The following TOMM40 variants were observed in gnomAD, a reference collection of about 807,000 sequenced individuals.
TOMM40 encodes mitochondrial import receptor subunit TOM40 homolog.
Under a neutral mutation model 38.4 loss-of-function variants are expected in TOMM40, and 9 were observed. That is an observed-to-expected ratio of 0.23 (90% CI 0.14 to 0.41). TOMM40 has a LOEUF of 0.41. TOMM40 is among the 10% of genes least tolerant of loss of function. TOMM40 has a pLI of 1.00. For synonymous variants in TOMM40, 184 were observed against 210.0 expected, an observed-to-expected ratio of 0.88 and a Z score of 1.07; for missense variants, 299 against 486.5, an observed-to-expected ratio of 0.61 and a Z score of 3.63.
chr19:44,893,903 C>T, intron 4 of TOMM40, 22 bp downstream of exon 4: 2 of 1,609,772 alleles, frequency 1.2e-6, no homozygotes, highest in Non-Finnish European at 1.7e-6. Flanking sequence ...ACGGAGGCTG[C>T]TGCTCCCCTC....
chr19:44,900,653 G>A (rs945459295), intron 5 of TOMM40, 77 bp from the exon 6 acceptor site: 30 of 1,608,822 alleles, frequency 1.9e-5, no homozygotes, highest in African/African-American at 4.0e-5. Context: ...GCCGGGGTGA[G>A]CCTAGAGGGC....
chr19:44,892,241 G>C, intron 1 of TOMM40, 152 bp from the exon 2 acceptor site: 1 of 780,956 alleles, frequency 1.3e-6, no homozygotes, highest in South Asian at 1.6e-5. Context: ...CCCTGGCCCT[G>C]TCTAACTAGG....
rs575782022 is a variant in TOMM40 at position 44,895,977 on chromosome 19, G to A, written c.643+1911G>A. Reference sequence around the variant, plus strand: ...GACATGACTGGGAAGGCTTGCGTGCGCATGTCGCCCTCTGTCGTCCACCAT... The same window carrying A: ...GACATGACTGGGAAGGCTTGCGTGCACATGTCGCCCTCTGTCGTCCACCAT... On this transcript the variant is annotated intron_variant, in intron 5 of 8. Transcript: ENST00000426677. 5.0e-3 allele frequency among the ~76,000 whole-genome samples: 760 copies of A among 152,294 alleles called. 15 individuals are homozygous for A. The highest frequency in any genetic ancestry group is 0.017 in the African/African-American group (718 of 41,574).
In TOMM40 at chr19:44,891,341, C is replaced by T; in HGVS notation, c.-75C>T. 8.2e-7 allele frequency: 1 copy of T among 1,218,836 alleles called. No homozygotes were observed. Among genetic ancestry groups the T allele is most frequent in the Non-Finnish European group, 1.0e-6 (1 of 978,472 alleles). 75.5% of individuals were successfully genotyped at this position (1,218,836 alleles called of 1,614,324 possible). The stretch of plus-strand genomic sequence containing the variant: ...TGAGAACCGGGGCCGGAGCCGGGTG[C>T]GGATTTGCTGGGGCTGAGTCGGGGG... On this transcript the variant is annotated 5_prime_UTR_variant, in exon 1 of 9. Coordinates refer to ENST00000426677, the MANE Select transcript of TOMM40 (RefSeq NM_001128917.2).
At chr19:44,892,504 C>T (rs778319247) in intron 2 of TOMM40, 44 bp downstream of exon 2, 4 of 1,578,438 alleles carry the variant, frequency 2.5e-6, no homozygotes, top group East Asian at 2.2e-5. Flanking sequence ...TCGTCCCCGC[C>T]GTCCCCCTCC....
chr19:44,894,255 A>C (rs157585), intron 5 of TOMM40, among the ~76,000 whole-genome samples, 189 bp downstream of exon 5: 82,606 of 143,376 alleles, frequency 0.58, 25,885 homozygotes, highest in African/African-American at 0.83. Context: ...GGTGAGTCAG[A>C]GCAGTCTTTT....
intron 2 of TOMM40, 134 bp from the exon 3 acceptor site, chr19:44,892,703 C>T (rs1969490430): frequency 4.9e-6 from 4 of 822,336 alleles, no homozygotes; most frequent in East Asian, 2.6e-5. Context: ...GCAGCACCTC[C>T]TTTCTCTGAG....
At chr19:44,902,954 T>C (rs1334397558) in intron 8 of TOMM40, 76 bp from the exon 9 acceptor site, 9 of 1,544,650 alleles carry the variant, frequency 5.8e-6, no homozygotes, top group African/African-American at 1.4e-5. Flanking sequence ...ATGTGGCTGG[T>C]ATCCAAGGTG....
chr19:44,891,840 C>G (rs1034046634), intron 1 of TOMM40, 151 bp downstream of exon 1: 11 of 886,112 alleles, frequency 1.2e-5, no homozygotes, highest in Non-Finnish European at 1.7e-5. Context: ...GAACGTTGGA[C>G]TTGGGGCTTA....
chr19:44,892,118 T>C (rs894155623), intron 1 of TOMM40, among the ~76,000 whole-genome samples: 3 of 152,180 alleles, frequency 2.0e-5, no homozygotes, highest in Non-Finnish European at 2.9e-5. Flanking sequence ...CATTATACGT[T>C]AACTCATTAG....
At position 44,892,449 on chromosome 19, in the gene TOMM40, A is replaced by C; in HGVS notation, c.331A>C (p.Asn111His). The C allele has an allele frequency of 1.9e-6, 3 of 1,612,754 alleles. No homozygotes were observed. The highest frequency in any genetic ancestry group is 2.5e-6 in the Non-Finnish European group (3 of 1,180,008). Residue 111 changes from asparagine (N) to histidine (H), a missense_variant, in exon 2 of 9, where the codon AAC (asparagine) becomes CAC (histidine). Physicochemically the swap from Asn to His is moderately conservative, Grantham distance 68. Coordinates refer to ENST00000426677, the MANE Select transcript of TOMM40 (RefSeq NM_001128917.2). ...VKLTVNKGLS[N>H]HFQVNHTVAL... ...GCTCACAGTCAACAAAGGGTTGAGT[A>C]ACCATTTTCAGGTGAGCCTTCCTGG...
At chr19:44,896,094 A>T (rs1000633301) in intron 5 of TOMM40, among the ~76,000 whole-genome samples, 2 of 152,092 alleles carry the variant, frequency 1.3e-5, no homozygotes, top group African/African-American at 4.8e-5. Context: ...GGCGCCAGCA[A>T]CCCCGTTCCC....
intron 5 of TOMM40, among the ~76,000 whole-genome samples, chr19:44,896,692 G>A (rs957636710): frequency 7.2e-5 from 11 of 152,094 alleles, no homozygotes; most frequent in Admixed American, 2.0e-4. Flanking sequence ...GCTTCACTCT[G>A]AGCACCTCAT....
Position 44,891,699 on chromosome 19 carries a change from G to T in TOMM40, c.274+10G>T. 6.9e-7 allele frequency: 1 copy of T among 1,451,602 alleles called. No individual in the cohort carries two copies. The highest frequency in any genetic ancestry group is 9.0e-7 in the Non-Finnish European group (1 of 1,106,294). 89.9% of individuals were successfully genotyped at this position (1,451,602 alleles called of 1,614,324 possible). ...CACCGGAAGTGCAAGGGTGAGGGGC[G>T]AGGGGCCCCCGCTGGGCTGCGATGG... is the stretch of plus-strand genomic sequence containing the variant. On this transcript the variant is annotated intron_variant, in intron 1 of 8. Transcript: ENST00000426677.
intron 5 of TOMM40, among the ~76,000 whole-genome samples, chr19:44,898,220 G>A (rs1228157660): frequency 6.6e-6 from 1 of 152,180 alleles, no homozygotes; most frequent in Admixed American, 6.5e-5. Context: ...CAGAGAGCTG[G>A]CTCCAGGCTG....
At chr19:44,892,280 T>C in intron 1 of TOMM40, 113 bp from the exon 2 acceptor site, 1 of 1,045,260 alleles carries the variant, frequency 9.6e-7, no homozygotes, top group Non-Finnish European at 1.5e-6. Context: ...GGTGGAATCC[T>C]TTGTGAGATG....
chr19:44,892,798 ATCTG>A, intron 2 of TOMM40, 35 bp from the exon 3 acceptor site: 1 of 1,536,066 alleles, frequency 6.5e-7, no homozygotes, highest in Admixed American at 1.7e-5. Context: ...GGGCAAGCCT[ATCTG>A]TCCAGTATCG....
intron 3 of TOMM40, 54 bp downstream of exon 3, chr19:44,892,983 C>G (rs116040278): frequency 2.0e-6 from 3 of 1,483,364 alleles, no homozygotes; most frequent in Non-Finnish European, 2.8e-6. Context: ...AAATTTGTAG[C>G]CAAATGTCAA....
chr19:44,900,919 A>G, intron 6 of TOMM40, 67 bp downstream of exon 6: 5 of 1,608,558 alleles, frequency 3.1e-6, no homozygotes, highest in Non-Finnish European at 4.2e-6. Flanking sequence ...GGTCTGAGGG[A>G]GGACGGGCTA....
Sources: allele counts gnomAD v4.1 joint callset (sites outside exome capture counted in the v4.1 genomes callset), GRCh38; gene constraint gnomAD v4.1.1; transcripts MANE v1.5; gene names NCBI Gene and HGNC (gene_info 2026-07-23, HGNC 2026-07-21).